ZMYND11: variants seen among roughly 807,000 people sequenced by gnomAD.
ZMYND11 encodes zinc finger MYND domain-containing protein 11.
ZMYND11 carries 9 observed loss-of-function variants against 84.9 expected under a neutral mutation model. The ratio of observed to expected loss-of-function variants is 0.11; its 90% confidence interval spans 0.06 to 0.18. The LOEUF (loss-of-function observed/expected upper bound fraction) is 0.18. Among genes scored for constraint, ZMYND11 ranks in the 10% least tolerant of loss-of-function variants. The probability of loss-of-function intolerance (pLI) is 1.00; values close to 1 mark genes in which losing one functional copy is unlikely to be tolerated. For missense variants in ZMYND11, 409 were observed against 761.0 expected, an observed-to-expected ratio of 0.54 and a Z score of 5.44; for synonymous variants, 250 against 244.1, an observed-to-expected ratio of 1.02 and a Z score of -0.23.
At chr10:213,406 A>C (rs1945610871) in intron 3 of ZMYND11, among the ~76,000 whole-genome samples, 1 of 152,186 alleles carries the variant, frequency 6.6e-6, no homozygotes, top group Admixed American at 6.5e-5. Flanking sequence ...TGTCTCTAAA[A>C]ACTTGACTTT....
In ZMYND11 at chr10:249,139, A is replaced by G. The variant is rs915514050; in HGVS notation, c.1686+51A>G. 4 of 1,610,230 alleles carry G rather than the reference A, an allele frequency of 2.5e-6. No homozygotes were observed. The African/African-American group carries it at 4.0e-5, about 16-fold the overall frequency. On this transcript the variant is annotated intron_variant, in intron 14 of 14. Coordinates refer to ENST00000381604, the MANE Select transcript of ZMYND11 (RefSeq NM_001370100.5). ...TTATTTCTGAAAATGTACCACAGGT[A>G]TGATGCCCGTTAATTCAGAAGGTAG...
chr10:240,804 G>A lies in ZMYND11; in HGVS notation c.754-89G>A, dbSNP rs548721973. 72 of 997,122 alleles carry A rather than the reference G, an allele frequency of 7.2e-5. No homozygotes were observed. In the South Asian group the frequency reaches 9.6e-4, roughly 13 times the overall value. The allele number at this position is 997,122 out of a possible 1,614,324, so 61.8% of individuals were successfully genotyped here. A position where few individuals can be genotyped will look rare whatever the true frequency, so the allele number is the denominator to read the frequency against. On this transcript the variant is annotated intron_variant, in intron 8 of 14. Transcript: ENST00000381604. ...ACAAAATTCAACACTATTTATATAC[G>A]TGAATGTTAATTTACATGGATACAT... is the stretch of plus-strand genomic sequence containing the variant.
intron 1 of ZMYND11, among the ~76,000 whole-genome samples, chr10:143,201 A>G (rs1017917560): frequency 2.6e-5 from 4 of 152,204 alleles, no homozygotes; most frequent in Non-Finnish European, 5.9e-5. Context: ...ATTTTGTGAG[A>G]AGCGTATGGT....
intron 4 of ZMYND11, among the ~76,000 whole-genome samples, chr10:234,336 A>T (rs946530720): frequency 3.3e-5 from 5 of 152,306 alleles, no homozygotes; most frequent in Admixed American, 2.6e-4. Flanking sequence ...CTCCTCTCCC[A>T]CTGTCACTAC....
intron 4 of ZMYND11, among the ~76,000 whole-genome samples, chr10:226,352 A>T (rs867388007): frequency 5.3e-5 from 8 of 152,284 alleles, no homozygotes; most frequent in Middle Eastern, 6.8e-3. Context: ...ATAGCTTTTT[A>T]AAAAACTCTG....
At chr10:192,912 G>T (rs577191338) in intron 2 of ZMYND11, among the ~76,000 whole-genome samples, 6 of 152,086 alleles carry the variant, frequency 3.9e-5, no homozygotes, top group Non-Finnish European at 8.8e-5. Flanking sequence ...TTTACACGGG[G>T]TGCTCTTTAT....
At chr10:185,702 C>CT (rs893482860) in intron 2 of ZMYND11, among the ~76,000 whole-genome samples, 48 of 150,372 alleles carry the variant, frequency 3.2e-4, no homozygotes, top group African/African-American at 1.1e-3. Flanking sequence ...GTGCTCCCAG[C>CT]TACTGGGGAG....
At chr10:242,273 A>C in intron 10 of ZMYND11, 134 bp downstream of exon 10, 1 of 1,334,636 alleles carries the variant, frequency 7.5e-7, no homozygotes, top group Non-Finnish European at 1.0e-6. Context: ...GCATCCAAGA[A>C]TACGTTCCAA....
chr10:215,484 T>A (rs1158928825), intron 3 of ZMYND11, among the ~76,000 whole-genome samples: 2 of 152,168 alleles, frequency 1.3e-5, no homozygotes, highest in Non-Finnish European at 2.9e-5. Context: ...TATGTTTTGC[T>A]GCTTGTGACT....
intron 1 of ZMYND11, among the ~76,000 whole-genome samples, chr10:157,967 G>A (rs1401317489): frequency 6.6e-6 from 1 of 152,168 alleles, no homozygotes; most frequent in Non-Finnish European, 1.5e-5. Flanking sequence ...TATAATATGT[G>A]GCCTTTTGTT....
chr10:153,057 T>C (rs1397357124), intron 1 of ZMYND11, among the ~76,000 whole-genome samples: 1 of 152,210 alleles, frequency 6.6e-6, no homozygotes, highest in African/African-American at 2.4e-5. Context: ...TGGAACAGAT[T>C]GAAAATTCCT....
chr10:167,349 A>G (rs978135174), intron 1 of ZMYND11, among the ~76,000 whole-genome samples: 3 of 152,136 alleles, frequency 2.0e-5, no homozygotes, highest in Non-Finnish European at 4.4e-5. Context: ...TTATACCTCA[A>G]TAAAGCTTTT....
At chr10:155,973 A>G (rs1401390026) in intron 1 of ZMYND11, among the ~76,000 whole-genome samples, 2 of 152,254 alleles carry the variant, frequency 1.3e-5, no homozygotes, top group African/African-American at 4.8e-5. Context: ...GGGAGGAGAT[A>G]GAAAACAACA....
chr10:252,456 C>T lies in ZMYND11; in HGVS notation c.1795C>T (p.Arg599Cys). The change falls in exon 15 of 15, where the codon CGC becomes TGC. Residue 599 changes from arginine to cysteine, a missense_variant. Physicochemically the swap from Arg to Cys is radical, Grantham distance 180. Coordinates refer to ENST00000381604, the MANE Select transcript of ZMYND11 (RefSeq NM_001370100.5). The surrounding 1 kb of genome is among the most constrained non-coding windows in gnomAD (Gnocchi z 4.6). ...HWHAEHKRTC[R>C]RKR is the part of the protein sequence containing the mutation. ...GCACGCGGAGCACAAGCGCACCTGC[C>T]GCCGGAAAAGATGAAGCTGGCCCTT... 6.2e-7 allele frequency: 1 copy of T among 1,611,998 alleles called. No homozygotes were observed. The highest frequency in any genetic ancestry group is 8.5e-7 in the Non-Finnish European group (1 of 1,179,892).
At chr10:169,008 C>T (rs1371790669) in intron 1 of ZMYND11, among the ~76,000 whole-genome samples, 7 of 152,102 alleles carry the variant, frequency 4.6e-5, no homozygotes, top group African/African-American at 1.7e-4. Flanking sequence ...TCTCCTTGTG[C>T]TTCTTGGAGC....
chr10:198,819 T>C (rs940917235), intron 2 of ZMYND11, among the ~76,000 whole-genome samples: 2 of 152,210 alleles, frequency 1.3e-5, no homozygotes, highest in African/African-American at 4.8e-5. Context: ...ATTTGAAATA[T>C]AGATTAGAGA....
At chr10:209,578 G>T (rs1944803770) in intron 2 of ZMYND11, among the ~76,000 whole-genome samples, 1 of 152,134 alleles carries the variant, frequency 6.6e-6, no homozygotes, top group Non-Finnish European at 1.5e-5. Flanking sequence ...AAAACTAAAT[G>T]GGATGTTTGA....
chr10:175,193 T>G (rs1554766671), intron 1 of ZMYND11, among the ~76,000 whole-genome samples: 1 of 152,220 alleles, frequency 6.6e-6, no homozygotes, highest in Non-Finnish European at 1.5e-5. Context: ...AGGCTGTGCA[T>G]GTGCATTTGT....
chr10:186,642 CAAAAAAAAAAAAAAAAAAAAAAAAAAAA>C (rs56345833), intron 2 of ZMYND11, among the ~76,000 whole-genome samples: 1 of 95,156 alleles, frequency 1.1e-5, no homozygotes, highest in Non-Finnish European at 2.1e-5. Context: ...AGGACTCTCT[CAAAAAAAAAAAAAAAAAAAAAAAAAAAA>C]AAAAAAAAAG....
Sources: allele counts gnomAD v4.1 joint callset (sites outside exome capture counted in the v4.1 genomes callset), GRCh38; gene constraint gnomAD v4.1.1; non-coding constraint Gnocchi (gnomAD v3.1); transcripts MANE v1.5; gene names NCBI Gene and HGNC (gene_info 2026-07-23, HGNC 2026-07-21).